Variants in CENPP observed in about 807,000 individuals in gnomAD.
The protein encoded by CENPP is centromere protein P.
A neutral mutation model predicts 35.6 loss-of-function variants in CENPP; 24 were observed. The observed-to-expected ratio is 0.67, with a 90% confidence interval of 0.49 to 0.95. The LOEUF is 0.95. CENPP is among the 40% of genes least tolerant of loss of function. The pLI is 0.00. For synonymous variants in CENPP, 120 were observed against 125.5 expected (o/e 0.96, Z 0.29); for missense variants, 332 against 345.3 (o/e 0.96, Z 0.31).
chr9:92,387,053 G>GAAA (rs903436031), intron 5 of CENPP, among the ~76,000 whole-genome samples: 18 of 50,148 alleles, frequency 3.6e-4, no homozygotes, highest in Non-Finnish European at 5.6e-4. Context: ...GTCTCAAAAA[G>GAAA]AAAAAAAAAA....
intron 5 of CENPP, chr9:92,392,993 A>G: frequency 1.0e-6 from 1 of 970,412 alleles, no homozygotes; most frequent in Non-Finnish European, 1.5e-6. Flanking sequence ...ACAAACCTGA[A>G]TGTGATAGGC....
rs746202386 is a variant in CENPP, at chr9:92,615,928, G to C, written c.*2779G>C. 1.2e-6 allele frequency: 2 copies of C among 1,614,082 alleles called. No homozygotes were observed. Among genetic ancestry groups the C allele is most frequent in the Non-Finnish European group, 1.7e-6 (2 of 1,180,040 alleles). On this transcript the variant is annotated 3_prime_UTR_variant, in exon 8 of 8. Coordinates refer to ENST00000375587, the MANE Select transcript of CENPP (RefSeq NM_001012267.3). ...TGGCACGTACAGTCTTTGAATAATA[G>C]TTGACGATCTTGCCGTCCAGTTTAT... is the stretch of plus-strand genomic sequence containing the variant.
chr9:92,361,725 G>A (rs1162882669), intron 4 of CENPP, among the ~76,000 whole-genome samples: 1 of 150,988 alleles, frequency 6.6e-6, no homozygotes, highest in Non-Finnish European at 1.5e-5. Flanking sequence ...CAAGTGATCC[G>A]CCCACCTTGG....
At chr9:92,418,314 T>C (rs1224673507) in intron 5 of CENPP, among the ~76,000 whole-genome samples, 2 of 151,884 alleles carry the variant, frequency 1.3e-5, no homozygotes, top group Admixed American at 1.3e-4. Flanking sequence ...CTCTAACTCC[T>C]GACCTCAGGT....
chr9:92,417,586 A>G (rs764992959), intron 5 of CENPP: 2 of 1,380,260 alleles, frequency 1.4e-6, no homozygotes, highest in Non-Finnish European at 2.0e-6. Context: ...TATTGCAAGG[A>G]GAAAAGGAAA....
chr9:92,601,231 C>A (rs1434456662), intron 5 of CENPP, among the ~76,000 whole-genome samples: 2 of 152,186 alleles, frequency 1.3e-5, no homozygotes, highest in African/African-American at 4.8e-5. Context: ...TAAAAATCCA[C>A]ACAATTAGAC....
At chr9:92,361,402 A>G (rs1841745060) in intron 4 of CENPP, among the ~76,000 whole-genome samples, 1 of 151,390 alleles carries the variant, frequency 6.6e-6, no homozygotes, top group African/African-American at 2.4e-5. Flanking sequence ...CAGCCTCCCA[A>G]AGTGTTGGGA....
At chr9:92,460,521 A>C (rs1304344942) in intron 5 of CENPP, 1 of 1,606,750 alleles carries the variant, frequency 6.2e-7, no homozygotes, top group South Asian at 1.1e-5. Context: ...CCACTGTTGA[A>C]ATTTTATTAT....
chr9:92,329,003 G>A (rs10992306), intron 1 of CENPP, among the ~76,000 whole-genome samples: 8,743 of 152,016 alleles, frequency 0.058, 365 homozygotes, highest in Middle Eastern at 0.22. Context: ...TATTAAACAC[G>A]AACTCCCTAC....
intron 5 of CENPP, among the ~76,000 whole-genome samples, chr9:92,475,903 A>G (rs893135197): frequency 6.6e-6 from 1 of 152,232 alleles, no homozygotes; most frequent in Non-Finnish European, 1.5e-5. Flanking sequence ...ACAAAACAGA[A>G]CTATACAAAT....
chr9:92,509,908 T>C (rs1847234264), intron 5 of CENPP: 1 of 1,603,534 alleles, frequency 6.2e-7, no homozygotes. Flanking sequence ...CCTGATAAAC[T>C]TTCTTCATCG....
chr9:92,371,218 AC>A (rs1841997623), intron 4 of CENPP, among the ~76,000 whole-genome samples: 1 of 151,912 alleles, frequency 6.6e-6, no homozygotes, highest in Non-Finnish European at 1.5e-5. Flanking sequence ...ATAGTTTATA[AC>A]TTTTTACCTT....
At chr9:92,460,948 G>A (rs2181712) in intron 5 of CENPP, among the ~76,000 whole-genome samples, 62,758 of 151,944 alleles carry the variant, frequency 0.41, 15,532 homozygotes, top group East Asian at 0.8. Flanking sequence ...TAAAGTGCTG[G>A]GATTACAGGC....
intron 5 of CENPP, among the ~76,000 whole-genome samples, chr9:92,575,046 A>G (rs1850246536): frequency 6.6e-6 from 1 of 152,230 alleles, no homozygotes; most frequent in East Asian, 1.9e-4. Flanking sequence ...AGCTAACACC[A>G]TATACAAAAA....
intron 5 of CENPP, among the ~76,000 whole-genome samples, chr9:92,398,195 T>C (rs2147060): frequency 0.36 from 54,480 of 152,104 alleles, 11,978 homozygotes; most frequent in Non-Finnish European, 0.5. Flanking sequence ...AGGAAAATGC[T>C]GTGTTTAACA....
chr9:92,516,569 G>C (rs963638769), intron 5 of CENPP: 3 of 152,076 alleles, frequency 2.0e-5, no homozygotes, highest in African/African-American at 4.8e-5. Context: ...AGAAGAATAG[G>C]AAAAAGTTAG....
intron 5 of CENPP, among the ~76,000 whole-genome samples, chr9:92,558,676 A>T (rs975318925): frequency 3.9e-5 from 6 of 152,130 alleles, no homozygotes; most frequent in Non-Finnish European, 8.8e-5. Context: ...GAAAGGGACC[A>T]GCAGTAGGCG....
chr9:92,510,580 T>G (rs939440357), intron 5 of CENPP, among the ~76,000 whole-genome samples: 2 of 152,248 alleles, frequency 1.3e-5, no homozygotes, highest in Non-Finnish European at 2.9e-5. Context: ...TCCAGTTGAC[T>G]GTCTGGAAAA....
At chr9:92,441,030 G>A (rs1488406877) in intron 5 of CENPP, among the ~76,000 whole-genome samples, 6 of 152,118 alleles carry the variant, frequency 3.9e-5, no homozygotes, top group South Asian at 4.1e-4. Flanking sequence ...ACCGAACTTC[G>A]TAATGAAGAC....
Sources: gnomAD v4.1 joint callset for allele counts (sites outside exome capture counted in the v4.1 genomes callset) on GRCh38, gnomAD v4.1.1 for gene constraint, MANE v1.5 for transcripts, NCBI Gene and HGNC (gene_info 2026-07-23, HGNC 2026-07-21) for gene names.